CD38: variants seen among roughly 807,000 people sequenced by gnomAD.
CD38 encodes the protein ADP-ribosyl cyclase/cyclic ADP-ribose hydrolase 1.
A neutral mutation model predicts 36.3 loss-of-function variants in CD38; 31 were observed. The observed-to-expected ratio is 0.85, with a 90% CI of 0.64 to 1.15. The LOEUF is 1.15. Among genes scored for constraint, CD38 ranks in the 50% most tolerant of loss-of-function variants. CD38 has a pLI of 0.00. For synonymous variants in CD38, 131 were observed against 135.2 expected, an observed-to-expected ratio of 0.97 and a Z score of 0.22; for missense variants, 380 against 371.9, an observed-to-expected ratio of 1.02 and a Z score of -0.18.
chr4:15,793,481 T>G (rs1486534591), intron 1 of CD38, among the ~76,000 whole-genome samples: 1 of 152,176 alleles, frequency 6.6e-6, no homozygotes, highest in African/African-American at 2.4e-5. Context: ...TTGTTTTATA[T>G]ATACATATGT....
chr4:15,817,401 A>G (rs1723624900), intron 2 of CD38, among the ~76,000 whole-genome samples: 1 of 152,180 alleles, frequency 6.6e-6, no homozygotes, highest in African/African-American at 2.4e-5. Flanking sequence ...CTCTCATTCC[A>G]TTGTTAGTGA....
At chr4:15,783,965 G>A (rs557040963) in intron 1 of CD38, among the ~76,000 whole-genome samples, 6 of 152,292 alleles carry the variant, frequency 3.9e-5, no homozygotes, top group Admixed American at 3.3e-4. Context: ...TAATGCTAGG[G>A]TGAGACATGG....
intron 1 of CD38, among the ~76,000 whole-genome samples, chr4:15,785,300 G>A (rs553073985): frequency 7.2e-4 from 109 of 152,262 alleles, no homozygotes; most frequent in African/African-American, 2.4e-3. Context: ...TCTTCTTGAA[G>A]CAAAGGCTGT....
At chr4:15,807,377 A>G (rs752351251) in intron 1 of CD38, among the ~76,000 whole-genome samples, 3 of 152,142 alleles carry the variant, frequency 2.0e-5, no homozygotes, top group African/African-American at 4.8e-5. Flanking sequence ...ATGTTTGGCT[A>G]TTACTTTATG....
At chr4:15,841,432 A>G (rs901369705) in intron 7 of CD38, among the ~76,000 whole-genome samples, 2 of 152,178 alleles carry the variant, frequency 1.3e-5, no homozygotes, top group Non-Finnish European at 2.9e-5. Context: ...TGAATTCCCC[A>G]TGAGTCACCT....
At position 15,809,653 on chromosome 4, in the gene CD38, C is replaced by T. The variant is rs3775953; in HGVS notation, c.234-6858C>T. Among the ~76,000 whole-genome samples, 9 of 151,968 alleles carry T rather than the reference C, an allele frequency of 5.9e-5. No homozygotes were observed. In the South Asian group the frequency reaches 1.7e-3, roughly 28 times the overall value. On this transcript the variant is annotated intron_variant, in intron 1 of 7. Coordinates refer to ENST00000226279, the MANE Select transcript of CD38 (RefSeq NM_001775.4). ...TCTGGTTTAGGAAGGAGCAAATCAC[C>T]GGCACAGAATGAGCTCTCAGGAACG...
chr4:15,788,480 G>A (rs1346651823), intron 1 of CD38, among the ~76,000 whole-genome samples: 1 of 150,870 alleles, frequency 6.6e-6, no homozygotes, highest in Non-Finnish European at 1.5e-5. Context: ...TATGAGCGCA[G>A]GTCCCCAAAC....
chr4:15,841,389 A>G (rs1724202014), intron 7 of CD38, among the ~76,000 whole-genome samples: 1 of 152,022 alleles, frequency 6.6e-6, no homozygotes, highest in Non-Finnish European at 1.5e-5. Flanking sequence ...GATTCTGGAG[A>G]CTCTACTGAT....
chr4:15,815,400 G>C (rs1269066854), intron 1 of CD38, among the ~76,000 whole-genome samples: 2 of 152,110 alleles, frequency 1.3e-5, no homozygotes, highest in Non-Finnish European at 2.9e-5. Context: ...CTATCTATGA[G>C]CATGGAATTT....
chr4:15,832,908 T>C (rs114831780), intron 3 of CD38, among the ~76,000 whole-genome samples: 314 of 152,284 alleles, frequency 2.1e-3, no homozygotes, highest in Non-Finnish European at 3.3e-3. Flanking sequence ...TAGTATTGCA[T>C]TGTACTGTGA....
chr4:15,791,593 C>T (rs1577636852), intron 1 of CD38, among the ~76,000 whole-genome samples: 1 of 89,454 alleles, frequency 1.1e-5, no homozygotes, highest in Non-Finnish European at 2.2e-5. Flanking sequence ...GTCAGCCCCC[C>T]GCCCGGCCAG....
intron 1 of CD38, among the ~76,000 whole-genome samples, chr4:15,788,014 C>T (rs1183627948): frequency 6.6e-6 from 1 of 152,202 alleles, no homozygotes; most frequent in Non-Finnish European, 1.5e-5. Flanking sequence ...GGTAAGAGAA[C>T]AGCTGCCTTC....
At chr4:15,822,395 T>C (rs1279199822) in intron 2 of CD38, among the ~76,000 whole-genome samples, 1 of 151,968 alleles carries the variant, frequency 6.6e-6, no homozygotes, top group Non-Finnish European at 1.5e-5. Context: ...AAAAAGGAAA[T>C]AAAATTGTCT....
chr4:15,811,582 G>T (rs376423124), intron 1 of CD38, among the ~76,000 whole-genome samples: 1 of 151,994 alleles, frequency 6.6e-6, no homozygotes, highest in Non-Finnish European at 1.5e-5. Flanking sequence ...TTAATTGATG[G>T]TAACTGTAAG....
intron 1 of CD38, among the ~76,000 whole-genome samples, chr4:15,812,536 A>AAAT (rs1198342172): frequency 2.6e-5 from 4 of 152,168 alleles, no homozygotes; most frequent in Non-Finnish European, 5.9e-5. Context: ...TCTCTACTAA[A>AAAT]AATAATAATA....
At chr4:15,833,119 A>T (rs1723991026) in intron 3 of CD38, among the ~76,000 whole-genome samples, 1 of 152,110 alleles carries the variant, frequency 6.6e-6, no homozygotes, top group African/African-American at 2.4e-5. Context: ...CACCCTTCAA[A>T]GCAGTGGGCT....
intron 3 of CD38, among the ~76,000 whole-genome samples, chr4:15,832,078 G>C (rs1723971630): frequency 6.6e-6 from 1 of 152,030 alleles, no homozygotes; most frequent in Admixed American, 6.6e-5. Context: ...GCTATAAAAA[G>C]ACTCTGATGC....
intron 1 of CD38, among the ~76,000 whole-genome samples, chr4:15,788,089 A>G (rs1048900915): frequency 3.3e-5 from 5 of 152,106 alleles, no homozygotes; most frequent in African/African-American, 1.2e-4. Context: ...TTCTTTCCCT[A>G]TCGGTTCTCC....
chr4:15,783,958 T>C (rs895755910), intron 1 of CD38, among the ~76,000 whole-genome samples: 2 of 152,202 alleles, frequency 1.3e-5, no homozygotes, highest in East Asian at 1.9e-4. Context: ...GTCTGCCTAA[T>C]GCTAGGGTGA....
Sources: allele counts gnomAD v4.1 joint callset (sites outside exome capture counted in the v4.1 genomes callset), GRCh38; gene constraint gnomAD v4.1.1; transcripts MANE v1.5; gene names NCBI Gene and HGNC (gene_info 2026-07-23, HGNC 2026-07-21).